Variants in ST3GAL6 observed in about 807,000 individuals in gnomAD.
The protein encoded by ST3GAL6 is ST3 beta-galactoside alpha-2,3-sialyltransferase 6.
In ST3GAL6, 31 loss-of-function variants were observed where a neutral mutation model predicts 40.5. The ratio of observed to expected loss-of-function variants is 0.77; its 90% confidence interval spans 0.58 to 1.03. The LOEUF (loss-of-function observed/expected upper bound fraction) is 1.03. ST3GAL6 is among the 50% of genes least tolerant of loss of function. The probability of loss-of-function intolerance (pLI) is 0.00; values close to 1 mark genes in which losing one functional copy is unlikely to be tolerated. For synonymous variants in ST3GAL6, 129 were observed against 136.9 expected (o/e 0.94, Z 0.40); for missense variants, 357 against 393.2 (o/e 0.91, Z 0.78).
chr3:98,776,684 T>C (rs1939583400), intron 5 of ST3GAL6, among the ~76,000 whole-genome samples: 4 of 152,244 alleles, frequency 2.6e-5, no homozygotes, highest in Admixed American at 2.6e-4. Flanking sequence ...ACCTGTGCTC[T>C]AGAAGGTGCT....
intron 1 of ST3GAL6, among the ~76,000 whole-genome samples, chr3:98,746,306 T>C (rs1257597112): frequency 1.3e-5 from 2 of 152,198 alleles, no homozygotes; most frequent in Admixed American, 1.3e-4. Context: ...CTATGGAATG[T>C]ACTAAAATAT....
chr3:98,778,313 C>G (rs1939743210), intron 5 of ST3GAL6, among the ~76,000 whole-genome samples: 1 of 152,186 alleles, frequency 6.6e-6, no homozygotes, highest in Non-Finnish European at 1.5e-5. Flanking sequence ...TGACTACCAG[C>G]CAGGCCAGGA....
upstream of ST3GAL6, chr3:98,763,271 G>C: frequency 7.9e-7 from 1 of 1,273,434 alleles, no homozygotes; most frequent in Non-Finnish European, 1.0e-6. Flanking sequence ...TGAGTAATAA[G>C]TACAAAGAGG....
At chr3:98,775,294 A>G (rs1576101895) in intron 5 of ST3GAL6, among the ~76,000 whole-genome samples, 1 of 152,052 alleles carries the variant, frequency 6.6e-6, no homozygotes, top group South Asian at 2.1e-4. Context: ...TGGCCAACAT[A>G]GTGAAACCCA....
At chr3:98,737,000 T>C (rs994599932) in intron 1 of ST3GAL6, among the ~76,000 whole-genome samples, 5 of 152,168 alleles carry the variant, frequency 3.3e-5, no homozygotes, top group African/African-American at 4.8e-5. Flanking sequence ...AGATTTTTGA[T>C]GAGAGCCTAA....
chr3:98,793,059 C>T (rs1941342711), intron 9 of ST3GAL6, among the ~76,000 whole-genome samples: 1 of 152,106 alleles, frequency 6.6e-6, no homozygotes, highest in African/African-American at 2.4e-5. Context: ...TTTTGTCCCT[C>T]ACCCCCACCC....
intron 5 of ST3GAL6, among the ~76,000 whole-genome samples, chr3:98,775,052 T>C (rs1231669138): frequency 6.6e-6 from 1 of 152,206 alleles, no homozygotes; most frequent in African/African-American, 2.4e-5. Context: ...TGCTTTATGT[T>C]GATTCTCTCT....
At chr3:98,791,712 G>T in intron 8 of ST3GAL6, 129 bp from the exon 9 acceptor site, 1 of 807,322 alleles carries the variant, frequency 1.2e-6, no homozygotes. Context: ...CTTATAATGA[G>T]AGTTTAGTTA....
At chr3:98,763,733 T>TTA in intron 1 of ST3GAL6, among the ~76,000 whole-genome samples, 1 of 100,188 alleles carries the variant, frequency 1.0e-5, no homozygotes, top group African/African-American at 3.6e-5. Flanking sequence ...TCCTAGTGAC[T>TTA]AAAAAAAAAA....
chr3:98,763,105 A>G, upstream of ST3GAL6: 1 of 985,386 alleles, frequency 1.0e-6, no homozygotes, highest in African/African-American at 1.7e-5. Context: ...ATTAAGGCTC[A>G]GGTCATATGG....
At chr3:98,772,612 G>T (rs1021787929) in intron 3 of ST3GAL6, among the ~76,000 whole-genome samples, 1 of 151,618 alleles carries the variant, frequency 6.6e-6, no homozygotes, top group African/African-American at 2.4e-5. Context: ...TTTCAGTTGT[G>T]TAGTTCCATT....
At chr3:98,770,481 C>G (rs1938855310) in intron 2 of ST3GAL6, 1 of 177,864 alleles carries the variant, frequency 5.6e-6, no homozygotes, top group Admixed American at 5.7e-5. Context: ...TGTGCGTCAG[C>G]AGATGTGGCA....
intron 1 of ST3GAL6, among the ~76,000 whole-genome samples, chr3:98,741,810 C>T (rs1936113306): frequency 6.6e-6 from 1 of 152,046 alleles, no homozygotes; most frequent in Non-Finnish European, 1.5e-5. Context: ...ATGATGAAAA[C>T]ATTAGTTAAG....
intron 6 of ST3GAL6, among the ~76,000 whole-genome samples, chr3:98,786,935 T>C (rs575355109): frequency 5.5e-5 from 8 of 144,662 alleles, no homozygotes; most frequent in African/African-American, 2.0e-4. Flanking sequence ...AAGGTCAAGA[T>C]AAGGTCATCA....
intron 1 of ST3GAL6, among the ~76,000 whole-genome samples, chr3:98,742,386 C>T (rs776176579): frequency 9.2e-5 from 14 of 152,134 alleles, no homozygotes; most frequent in East Asian, 3.9e-4. Context: ...ACACCCTAAC[C>T]GCAAGAGCTT....
chr3:98,743,216 C>T (rs1470240099), intron 1 of ST3GAL6, among the ~76,000 whole-genome samples: 1 of 151,366 alleles, frequency 6.6e-6, no homozygotes, highest in Non-Finnish European at 1.5e-5. Context: ...GATGGGGTTT[C>T]ACCATGTTGC....
intron 1 of ST3GAL6, among the ~76,000 whole-genome samples, chr3:98,745,472 T>C (rs1936473314): frequency 6.6e-6 from 1 of 152,232 alleles, no homozygotes; most frequent in African/African-American, 2.4e-5. Context: ...GGGACTCTGC[T>C]GGTGGCATTT....
chr3:98,773,866 G>A, intron 4 of ST3GAL6, 54 bp from the exon 5 acceptor site: 1 of 1,457,228 alleles, frequency 6.9e-7, no homozygotes, highest in Non-Finnish European at 9.6e-7. Context: ...GGTTTACTAA[G>A]TACTAAAAAG....
chr3:98,733,681 C>T, intron 1 of ST3GAL6: 1 of 808,660 alleles, frequency 1.2e-6, no homozygotes, highest in Non-Finnish European at 1.5e-6. Flanking sequence ...TCCGGAGATC[C>T]CGGCAATCTC....
Sources: allele counts gnomAD v4.1 joint callset (sites outside exome capture counted in the v4.1 genomes callset), GRCh38; gene constraint gnomAD v4.1.1; transcripts MANE v1.5; gene names NCBI Gene and HGNC (gene_info 2026-07-23, HGNC 2026-07-21).